Variants in CTTNBP2NL observed in about 807,000 individuals in gnomAD.
CTTNBP2NL encodes CTTNBP2 N-terminal like.
Under a neutral mutation model 32.5 loss-of-function variants are expected in CTTNBP2NL, and 16 were observed. That is an observed-to-expected ratio of 0.49 (90% CI 0.33 to 0.75). The LOEUF is 0.75. Ranked by LOEUF, CTTNBP2NL falls within the 30% of genes least tolerant of loss-of-function variation. The pLI is 0.02. For synonymous variants in CTTNBP2NL, 298 were observed against 289.4 expected (o/e 1.03, Z -0.30); for missense variants, 645 against 756.0 (o/e 0.85, Z 1.72).
intron 3 of CTTNBP2NL, 27 bp downstream of exon 3, chr1:112,416,291 G>A (rs371444874): frequency 1.8e-6 from 2 of 1,082,776 alleles, no homozygotes; most frequent in Admixed American, 2.3e-5. Flanking sequence ...AAAAAAAGAG[G>A]TCATCATACA....
rs761987760 is a variant in CTTNBP2NL at position 112,456,850 on chromosome 1, T to C, written c.1358T>C (p.Val453Ala). The C allele has an allele frequency of 1.2e-6, 2 of 1,614,058 alleles. No individual in the cohort carries two copies. Among genetic ancestry groups the C allele is most frequent in the Non-Finnish European group, 1.7e-6 (2 of 1,180,008 alleles). Residue 453 changes from valine to alanine, a missense_variant, in exon 6 of 6, where the codon GTA (valine) becomes GCA (alanine). Coordinates refer to ENST00000271277, the MANE Select transcript of CTTNBP2NL (RefSeq NM_018704.3). ...SSPGYQSSYQ[V>A]GINQRFHAAR... is the part of the protein sequence containing the mutation. Reference sequence around the variant, plus strand: ...CCTGGCTACCAGTCATCGTACCAAGTAGGGATCAACCAACGGTTCCATGCA... The same window carrying C: ...CCTGGCTACCAGTCATCGTACCAAGCAGGGATCAACCAACGGTTCCATGCA...
chr1:112,427,305 G>A (rs1649431831), intron 3 of CTTNBP2NL, among the ~76,000 whole-genome samples: 1 of 152,066 alleles, frequency 6.6e-6, no homozygotes, highest in South Asian at 2.1e-4. Flanking sequence ...ATTTTAAAGG[G>A]GATTGTGTTT....
chr1:112,428,421 T>TAGGTCAACAA, intron 3 of CTTNBP2NL, among the ~76,000 whole-genome samples: 1 of 152,206 alleles, frequency 6.6e-6, no homozygotes, highest in Non-Finnish European at 1.5e-5. Flanking sequence ...ATTCTTCTTT[T>TAGGTCAACAA]TTGGTTGTTC....
At chr1:112,442,183 T>C (rs1649914109) in intron 3 of CTTNBP2NL, among the ~76,000 whole-genome samples, 1 of 152,198 alleles carries the variant, frequency 6.6e-6, no homozygotes, top group South Asian at 2.1e-4. Context: ...TGGAGTGCAG[T>C]GGCGCGATCT....
chr1:112,435,086 C>T (rs1437663147), intron 3 of CTTNBP2NL, among the ~76,000 whole-genome samples: 2 of 132,226 alleles, frequency 1.5e-5, no homozygotes, highest in African/African-American at 2.8e-5. Context: ...GAGATTGTAG[C>T]AAGCCGAGAT....
chr1:112,455,874 A>G lies in CTTNBP2NL; in HGVS notation c.439-57A>G. On this transcript the variant is annotated intron_variant, in intron 5 of 5. Transcript: ENST00000271277. ...CTGTATACCAGAGAACAGCTAACGAAGACAGTCTACTTGATCACAGTTTGT... is the reference window on the plus strand; with the variant it reads ...CTGTATACCAGAGAACAGCTAACGAGGACAGTCTACTTGATCACAGTTTGT... 6 of 1,294,206 alleles carry G rather than the reference A, an allele frequency of 4.6e-6. No homozygotes were observed. The South Asian group carries it at 8.9e-5, about 19-fold the overall frequency. The allele number at this position is 1,294,206 out of a possible 1,614,324, so 80.2% of individuals were successfully genotyped here.
chr1:112,430,167 C>CTTTCT (rs202124796), intron 3 of CTTNBP2NL, among the ~76,000 whole-genome samples: 6,119 of 143,776 alleles, frequency 0.043, 266 homozygotes, highest in African/African-American at 0.095. Flanking sequence ...TAGCTCTTTT[C>CTTTCT]TTTCTTTTCT....
chr1:112,449,193 G>T lies in CTTNBP2NL; in HGVS notation c.330+21G>T, dbSNP rs1227847825. On this transcript the variant is annotated intron_variant, in intron 4 of 5. Coordinates refer to ENST00000271277, the MANE Select transcript of CTTNBP2NL (RefSeq NM_018704.3). ...GAAAGGTAGGTTCACCTCAGTTGATGTGTAAATCTTTGTGAAGTCTTTATA... is the reference window on the plus strand; with the variant it reads ...GAAAGGTAGGTTCACCTCAGTTGATTTGTAAATCTTTGTGAAGTCTTTATA... The T allele has an allele frequency of 3.6e-6, 5 of 1,399,478 alleles. No individual in the cohort carries two copies. In the South Asian group the frequency reaches 5.9e-5, roughly 17 times the overall value. 86.7% of individuals were successfully genotyped at this position (1,399,478 alleles called of 1,614,324 possible). A position where few individuals can be genotyped will look rare whatever the true frequency, so the allele number is the denominator to read the frequency against.
At chr1:112,393,606 C>T (rs1482948201), upstream of CTTNBP2NL, among the ~76,000 whole-genome samples, 1 of 152,204 alleles carries the variant, frequency 6.6e-6, no homozygotes, top group Non-Finnish European at 1.5e-5. Flanking sequence ...ATAACTCTCT[C>T]ACTGCTACAA....
intron 1 of CTTNBP2NL, among the ~76,000 whole-genome samples, chr1:112,403,691 G>A (rs1460968920): frequency 1.3e-5 from 2 of 152,210 alleles, no homozygotes; most frequent in Admixed American, 1.3e-4. Context: ...TGGAAGCAAA[G>A]GTATGCGTTT....
chr1:112,395,916 T>G (rs941740931), upstream of CTTNBP2NL, among the ~76,000 whole-genome samples: 2 of 152,254 alleles, frequency 1.3e-5, no homozygotes. Context: ...GTCACGGTCC[T>G]GCCCAGACTT....
upstream of CTTNBP2NL, among the ~76,000 whole-genome samples, chr1:112,391,449 T>A (rs986101270): frequency 6.6e-6 from 1 of 152,224 alleles, no homozygotes; most frequent in African/African-American, 2.4e-5. Flanking sequence ...AGGAGCCTTA[T>A]GGAGTCCCAG....
Position 112,396,797 on chromosome 1 carries a change from C to T in CTTNBP2NL, c.-134+525C>T, listed in dbSNP as rs1648344819. 1.3e-5 allele frequency among the ~76,000 whole-genome samples: 2 copies of T among 152,192 alleles called. 1 individual carries two copies. The highest frequency in any genetic ancestry group is 4.1e-4 in the South Asian group (2 of 4,828). ...CAGCTTTACGGAGGAAGCGGCTTCTCCCACTTAAGTTCTTCCCATCCCCCA... is the reference window on the plus strand; with the variant it reads ...CAGCTTTACGGAGGAAGCGGCTTCTTCCACTTAAGTTCTTCCCATCCCCCA... On this transcript the variant is annotated intron_variant, in intron 1 of 5. Transcript: ENST00000271277.
At chr1:112,400,477 A>G (rs961890078) in intron 1 of CTTNBP2NL, among the ~76,000 whole-genome samples, 1 of 152,208 alleles carries the variant, frequency 6.6e-6, no homozygotes, top group Non-Finnish European at 1.5e-5. Flanking sequence ...CCTGGCCAAC[A>G]TGGCAAAACT....
chr1:112,451,884 C>T (rs1181162054), intron 4 of CTTNBP2NL, among the ~76,000 whole-genome samples: 1 of 152,102 alleles, frequency 6.6e-6, no homozygotes, highest in Non-Finnish European at 1.5e-5. Flanking sequence ...CTCCAGGTTC[C>T]ATCTCTTTGG....
chr1:112,447,347 T>TCACA (rs950380772), intron 3 of CTTNBP2NL, among the ~76,000 whole-genome samples: 2 of 149,036 alleles, frequency 1.3e-5, no homozygotes, highest in Non-Finnish European at 3.0e-5. Flanking sequence ...CACTTTTAAT[T>TCACA]CACACACACA....
intron 5 of CTTNBP2NL, 74 bp downstream of exon 5, chr1:112,454,630 C>A: frequency 9.1e-7 from 1 of 1,094,472 alleles, no homozygotes; most frequent in South Asian, 1.3e-5. Context: ...TGCAGGATGC[C>A]AACTGGTATT....
intron 3 of CTTNBP2NL, among the ~76,000 whole-genome samples, chr1:112,437,967 T>G (rs1008609096): frequency 6.6e-6 from 1 of 152,220 alleles, no homozygotes; most frequent in African/African-American, 2.4e-5. Flanking sequence ...TAGATCCCAT[T>G]TATCAATTTT....
chr1:112,432,867 C>T (rs1649609636), intron 3 of CTTNBP2NL, among the ~76,000 whole-genome samples: 2 of 151,660 alleles, frequency 1.3e-5, no homozygotes, highest in Admixed American at 6.6e-5. Flanking sequence ...CCTCATTACT[C>T]ATTTGCCTTT....
Sources: allele counts gnomAD v4.1 joint callset (sites outside exome capture counted in the v4.1 genomes callset), GRCh38; gene constraint gnomAD v4.1.1; transcripts MANE v1.5; gene names NCBI Gene and HGNC (gene_info 2026-07-23, HGNC 2026-07-21).